Variants in TMEM154 observed in about 807,000 individuals in gnomAD.
The protein encoded by TMEM154 is transmembrane protein 154.
TMEM154 carries 27 observed loss-of-function variants against 24.5 expected under a neutral mutation model. The observed-to-expected ratio is 1.10, with a 90% CI of 0.81 to 1.52. TMEM154 has a LOEUF of 1.52. TMEM154 is among the 40% of genes most tolerant of loss of function. The pLI is 0.00. For synonymous variants in TMEM154, 67 were observed against 76.8 expected, an observed-to-expected ratio of 0.87 and a Z score of 0.67; for missense variants, 228 against 213.4, an observed-to-expected ratio of 1.07 and a Z score of -0.43.
intron 1 of TMEM154, among the ~76,000 whole-genome samples, chr4:152,672,917 A>C (rs1485889027): frequency 6.6e-6 from 1 of 152,248 alleles, no homozygotes. Context: ...ATTTATATAA[A>C]CATTAAAGGT....
chr4:152,671,734 G>C (rs1262461712), intron 1 of TMEM154, among the ~76,000 whole-genome samples: 1 of 98,378 alleles, frequency 1.0e-5, no homozygotes, highest in African/African-American at 4.3e-5. Flanking sequence ...GCGACAGAGC[G>C]AGACTCCGTC....
chr4:152,640,325 C>A (rs867758632), intron 6 of TMEM154, among the ~76,000 whole-genome samples: 5 of 152,166 alleles, frequency 3.3e-5, no homozygotes, highest in Admixed American at 3.3e-4. Flanking sequence ...CCTTAGAACA[C>A]TTCCCATGTC....
chr4:152,660,065 C>G (rs1728568644), intron 1 of TMEM154, among the ~76,000 whole-genome samples: 1 of 152,126 alleles, frequency 6.6e-6, no homozygotes. Flanking sequence ...CTGTATAAGT[C>G]TTTAAAATTG....
chr4:152,661,278 TTCTCTTTCTCTCTCTCTCTC>T (rs1728595534), intron 1 of TMEM154, among the ~76,000 whole-genome samples: 1 of 65,700 alleles, frequency 1.5e-5, no homozygotes, highest in African/African-American at 6.2e-5. Flanking sequence ...CAAGGGATTG[TTCTCTTTCTCTCTCTCTCTC>T]TCTCTCTCTC....
chr4:152,664,607 AAAGT>A (rs1728680853), intron 1 of TMEM154, among the ~76,000 whole-genome samples: 1 of 152,216 alleles, frequency 6.6e-6, no homozygotes, highest in Non-Finnish European at 1.5e-5. Flanking sequence ...TTAGAAGAAG[AAAGT>A]ATTATAAACT....
Position 152,626,119 on chromosome 4 carries a change from A to G in TMEM154, c.*2427T>C, listed in dbSNP as rs1481974793. 2 of 152,574 alleles carry G rather than the reference A, an allele frequency of 1.3e-5. No individual in the cohort carries two copies. Among genetic ancestry groups the G allele is most frequent in the African/African-American group, 4.8e-5 (2 of 41,436 alleles). 9.5% of individuals were successfully genotyped at this position (152,574 alleles called of 1,614,324 possible). ...ATTGGGTCAAGAGTCATGAATGGGT[A>G]TTTTTACATATTTATTAAAACAAGT... On this transcript the variant is annotated 3_prime_UTR_variant, in exon 7 of 7. Coordinates refer to ENST00000304385, the MANE Select transcript of TMEM154 (RefSeq NM_152680.3).
intron 1 of TMEM154, among the ~76,000 whole-genome samples, chr4:152,665,928 C>T (rs1184804574): frequency 6.6e-6 from 1 of 151,912 alleles, no homozygotes; most frequent in Non-Finnish European, 1.5e-5. Flanking sequence ...GGTGGGACTA[C>T]AGACGTGCGC....
At chr4:152,642,245 C>T (rs1252332836) in intron 5 of TMEM154, among the ~76,000 whole-genome samples, 1 of 151,998 alleles carries the variant, frequency 6.6e-6, no homozygotes. Flanking sequence ...TATAACCAGT[C>T]TCTGAATTTT....
Position 152,628,244 on chromosome 4 carries a change from G to C in TMEM154, c.*302C>G. The C allele has an allele frequency of 2.1e-6, 1 of 474,272 alleles. No homozygotes were observed. The highest frequency in any genetic ancestry group is 2.8e-5 in the South Asian group (1 of 35,984). 29.4% of individuals were successfully genotyped at this position (474,272 alleles called of 1,614,324 possible). A position where few individuals can be genotyped will look rare whatever the true frequency, so the allele number is the denominator to read the frequency against. On this transcript the variant is annotated 3_prime_UTR_variant, in exon 7 of 7. Transcript: ENST00000304385. ...GAGTGAGTTCAGTGAGCTAGAAGTTGGCTGAGAGGAGGCAACACATGTTGA... is the reference window on the plus strand; with the variant it reads ...GAGTGAGTTCAGTGAGCTAGAAGTTCGCTGAGAGGAGGCAACACATGTTGA...
At chr4:152,643,849 G>T (rs956936962) in intron 4 of TMEM154, among the ~76,000 whole-genome samples, 2 of 152,054 alleles carry the variant, frequency 1.3e-5, no homozygotes, top group African/African-American at 4.8e-5. Context: ...TGGAAGATGG[G>T]GAGGATATGG....
At chr4:152,666,283 T>A (rs576645246) in intron 1 of TMEM154, 1 of 152,362 alleles carries the variant, frequency 6.6e-6, no homozygotes, top group East Asian at 1.9e-4. Context: ...TATTTGAGAC[T>A]ATCTGGGGGC....
At chr4:152,645,139 C>G (rs1752334838) in intron 3 of TMEM154, among the ~76,000 whole-genome samples, 2 of 150,758 alleles carry the variant, frequency 1.3e-5, no homozygotes, top group African/African-American at 4.9e-5. Context: ...TTTTTTCTGT[C>G]TGTCTCTCTC....
rs753060437 is a variant in TMEM154, at chr4:152,652,566, G to C, written c.336C>G (p.Ser112Arg). 2 of 1,613,798 alleles carry C rather than the reference G, an allele frequency of 1.2e-6. No individual in the cohort carries two copies. Among genetic ancestry groups the C allele is most frequent in the African/African-American group, 2.7e-5 (2 of 74,896 alleles). ...KRKRTKQEPS[S>R]QGSQSALQTY... ...TCTGTAAAGCACTCTGAGATCCTTG[G>C]CTAGAAGGTTCTGTATCAAAGCAAA... The change falls in exon 3 of 7, where the codon AGC becomes AGG. Residue 112 changes from serine (S) to arginine (R), a missense_variant. Transcript: ENST00000304385.
intron 5 of TMEM154, among the ~76,000 whole-genome samples, chr4:152,642,198 C>A (rs7660250): frequency 6.6e-6 from 1 of 151,884 alleles, no homozygotes; most frequent in Non-Finnish European, 1.5e-5. Flanking sequence ...GGATTATAGG[C>A]GTGAGCCACC....
intron 6 of TMEM154, among the ~76,000 whole-genome samples, chr4:152,629,108 A>G (rs1160672801): frequency 6.6e-6 from 1 of 152,226 alleles, no homozygotes; most frequent in African/African-American, 2.4e-5. Context: ...GAAATCCATG[A>G]AAGCCAAAAA....
In TMEM154 at chr4:152,658,245, A is replaced by T. The variant is rs562787673; in HGVS notation, c.65-5318T>A. Among the ~76,000 whole-genome samples the T allele has an allele frequency of 2.5e-4, 38 of 152,348 alleles. No individual in the cohort carries two copies. In the South Asian group the frequency reaches 6.8e-3, roughly 27 times the overall value. On this transcript the variant is annotated intron_variant, in intron 1 of 6. Transcript: ENST00000304385. ...TTTAAAAAAGGCTTGAAACAAATAA[A>T]AATGGAAACACACCATGCTAAAACC...
At chr4:152,643,955 C>T (rs991895518) in intron 4 of TMEM154, among the ~76,000 whole-genome samples, 4 of 151,748 alleles carry the variant, frequency 2.6e-5, no homozygotes, top group Non-Finnish European at 5.9e-5. Flanking sequence ...TCCTCCCACT[C>T]TTCCCTTCTC....
rs148833336 is a variant in TMEM154, at chr4:152,651,300, G to A, written c.364+1238C>T. 5.3e-4 allele frequency among the ~76,000 whole-genome samples: 80 copies of A among 151,920 alleles called. 1 individual carries two copies. The highest frequency in any genetic ancestry group is 5.2e-3 in the South Asian group (25 of 4,814). ...CCCATAGTGCTGAGATTACAGGCGT[G>A]AGCCACCATGCCCAGTCAGATGGCA... On this transcript the variant is annotated intron_variant, in intron 3 of 6. Transcript: ENST00000304385.
intron 1 of TMEM154, among the ~76,000 whole-genome samples, chr4:152,655,998 G>A (rs1392456756): frequency 6.6e-6 from 1 of 152,070 alleles, no homozygotes; most frequent in Non-Finnish European, 1.5e-5. Context: ...TGATTGCCCA[G>A]CCCAGTCTAG....
Sources: allele counts gnomAD v4.1 joint callset (sites outside exome capture counted in the v4.1 genomes callset), GRCh38; gene constraint gnomAD v4.1.1; transcripts MANE v1.5; gene names NCBI Gene and HGNC (gene_info 2026-07-23, HGNC 2026-07-21).